STK32B: variants seen among roughly 807,000 people sequenced by gnomAD.
STK32B encodes serine/threonine-protein kinase 32B.
STK32B carries 43 observed loss-of-function variants against 52.6 expected under a neutral mutation model. The ratio of observed to expected loss-of-function variants is 0.82; its 90% CI spans 0.64 to 1.05. The LOEUF is 1.05. STK32B is among the 50% of genes least tolerant of loss of function. STK32B has a pLI of 0.00. For missense variants in STK32B, 621 were observed against 534.6 expected (o/e 1.16, Z -1.59); for synonymous variants, 238 against 204.3 (o/e 1.17, Z -1.41).
intron 1 of STK32B, among the ~76,000 whole-genome samples, chr4:5,114,771 G>A (rs1466282435): frequency 6.6e-6 from 1 of 152,192 alleles, no homozygotes; most frequent in Non-Finnish European, 1.5e-5. Context: ...TCCTCCCGCA[G>A]GGGCCATGTA....
chr4:5,194,634 G>A (rs925729986), intron 3 of STK32B, among the ~76,000 whole-genome samples: 1 of 152,140 alleles, frequency 6.6e-6, no homozygotes, highest in East Asian at 1.9e-4. Flanking sequence ...GTAGAATTGT[G>A]TATTAGGCAG....
chr4:5,262,870 A>G (rs1375739383), intron 3 of STK32B, among the ~76,000 whole-genome samples: 1 of 152,024 alleles, frequency 6.6e-6, no homozygotes, highest in African/African-American at 2.4e-5. Flanking sequence ...TTGCTATTTT[A>G]TATGTATTTT....
intron 1 of STK32B, among the ~76,000 whole-genome samples, chr4:5,109,131 C>G (rs530088260): frequency 2.6e-5 from 4 of 152,182 alleles, no homozygotes; most frequent in African/African-American, 9.7e-5. Context: ...AGCAACAAAA[C>G]TATGTGCTTT....
intron 3 of STK32B, among the ~76,000 whole-genome samples, chr4:5,326,019 A>C (rs1384954148): frequency 6.6e-6 from 1 of 152,166 alleles, no homozygotes; most frequent in African/African-American, 2.4e-5. Context: ...CCACAACCTG[A>C]ATTATTGCTT....
intron 4 of STK32B, among the ~76,000 whole-genome samples, chr4:5,335,023 T>A (rs1206826711): frequency 6.6e-6 from 1 of 152,038 alleles, no homozygotes; most frequent in African/African-American, 2.4e-5. Context: ...CCTCTTTTTC[T>A]ATTGATTGGA....
intron 1 of STK32B, among the ~76,000 whole-genome samples, chr4:5,097,307 A>C (rs1442211685): frequency 1.3e-5 from 2 of 152,216 alleles, no homozygotes; most frequent in Non-Finnish European, 2.9e-5. Flanking sequence ...ATATACCTTG[A>C]AAATGGCACG....
intron 4 of STK32B, among the ~76,000 whole-genome samples, chr4:5,385,176 G>A (rs1243952245): frequency 2.0e-5 from 3 of 152,122 alleles, no homozygotes; most frequent in Non-Finnish European, 4.4e-5. Flanking sequence ...AGAGCTAGAG[G>A]GAATGGGGGA....
intron 6 of STK32B, among the ~76,000 whole-genome samples, chr4:5,442,023 A>C (rs1714826968): frequency 1.8e-5 from 2 of 111,046 alleles, no homozygotes; most frequent in African/African-American, 6.8e-5. Flanking sequence ...TTTACTTCCA[A>C]GTATGTGGTC....
the STK32B span, among the ~76,000 whole-genome samples, chr4:5,040,387 AATTTTTT>A: frequency 2.1e-5 from 2 of 97,518 alleles, no homozygotes; most frequent in Non-Finnish European, 4.0e-5. Flanking sequence ...GTGGCAGTAG[AATTTTTT>A]TTTTTTTTTT....
At chr4:5,042,073 C>T in the STK32B span, among the ~76,000 whole-genome samples, 25 of 152,202 alleles carry the variant, frequency 1.6e-4, no homozygotes, top group South Asian at 2.5e-3. Context: ...GCTCCAAATG[C>T]AAGTATGGTG....
At chr4:5,289,407 A>G (rs186267526) in intron 3 of STK32B, among the ~76,000 whole-genome samples, 19 of 152,306 alleles carry the variant, frequency 1.2e-4, no homozygotes, top group African/African-American at 4.1e-4. Context: ...TACTGCAGAC[A>G]TTGTAAACAC....
At chr4:5,291,889 T>A (rs971657670) in intron 3 of STK32B, among the ~76,000 whole-genome samples, 1 of 152,124 alleles carries the variant, frequency 6.6e-6, no homozygotes, top group Admixed American at 6.6e-5. Flanking sequence ...TGGGGATACG[T>A]GTGCAGGTTT....
At chr4:5,298,876 C>T (rs1022605561) in intron 3 of STK32B, among the ~76,000 whole-genome samples, 2 of 151,692 alleles carry the variant, frequency 1.3e-5, no homozygotes, top group Non-Finnish European at 2.9e-5. Flanking sequence ...TCAGTGTCTG[C>T]CCAAACAGCC....
intron 3 of STK32B, among the ~76,000 whole-genome samples, chr4:5,183,392 G>C (rs949126910): frequency 6.6e-6 from 1 of 151,510 alleles, no homozygotes; most frequent in African/African-American, 2.4e-5. Flanking sequence ...CAGGAGAATC[G>C]CTTGAACTGA....
At chr4:5,113,860 G>A (rs370239860) in intron 1 of STK32B, among the ~76,000 whole-genome samples, 3 of 152,136 alleles carry the variant, frequency 2.0e-5, no homozygotes, top group South Asian at 4.1e-4. Flanking sequence ...AAGGCAAGGA[G>A]GACCGAATCA....
At chr4:5,218,174 T>TAAC (rs1723296583) in intron 3 of STK32B, among the ~76,000 whole-genome samples, 1 of 152,196 alleles carries the variant, frequency 6.6e-6, no homozygotes, top group Non-Finnish European at 1.5e-5. Flanking sequence ...TAACACAGGC[T>TAAC]ACTGGGCCGG....
At chr4:5,251,731 A>G (rs1290820685) in intron 3 of STK32B, among the ~76,000 whole-genome samples, 1 of 152,064 alleles carries the variant, frequency 6.6e-6, no homozygotes, top group African/African-American at 2.4e-5. Flanking sequence ...TCCATTTGTT[A>G]TGTCATCTCT....
rs6836542 is a variant in STK32B, at chr4:5,497,632, C to A, written c.1107-1313C>A. On this transcript the variant is annotated intron_variant, in intron 11 of 11. Transcript: ENST00000282908. Reference sequence around the variant, plus strand: ...CGCTGTCTTATGAAACACAGTGTTGCTGCTGGTATTTCAGTGTTATCTGAA... The same window carrying A: ...CGCTGTCTTATGAAACACAGTGTTGATGCTGGTATTTCAGTGTTATCTGAA... Among the ~76,000 whole-genome samples, 1,515 of 152,292 alleles carry A rather than the reference C, an allele frequency of 9.9e-3. 22 individuals are homozygous for A. Among genetic ancestry groups the A allele is most frequent in the African/African-American group, 0.034 (1,423 of 41,558 alleles).
intron 5 of STK32B, among the ~76,000 whole-genome samples, chr4:5,414,328 G>A (rs556803202): frequency 4.0e-5 from 6 of 149,586 alleles, no homozygotes; most frequent in African/African-American, 1.5e-4. Context: ...TTTATACTAT[G>A]TAATACTCCA....
Sources: allele counts gnomAD v4.1 joint callset (sites outside exome capture counted in the v4.1 genomes callset), GRCh38; gene constraint gnomAD v4.1.1; transcripts MANE v1.5; gene names NCBI Gene and HGNC (gene_info 2026-07-23, HGNC 2026-07-21).